Variants in RGL1 observed in about 807,000 individuals in gnomAD.
The protein encoded by RGL1 is ral guanine nucleotide dissociation stimulator like 1.
RGL1 carries 24 observed loss-of-function variants against 95.2 expected under a neutral mutation model. The observed-to-expected ratio is 0.25, with a 90% confidence interval of 0.18 to 0.35. The LOEUF (loss-of-function observed/expected upper bound fraction) is 0.35, where lower values mean the gene tolerates loss of function less well. RGL1 is among the 10% of genes least tolerant of loss of function. The pLI is 1.00. For synonymous variants in RGL1, 329 were observed against 344.9 expected (o/e 0.95, Z 0.51); for missense variants, 715 against 936.3 (o/e 0.76, Z 3.08).
At chr1:183,913,926 A>C (rs1668810616) in intron 15 of RGL1, among the ~76,000 whole-genome samples, 1 of 152,216 alleles carries the variant, frequency 6.6e-6, no homozygotes, top group South Asian at 2.1e-4. Flanking sequence ...TATTGAAAGA[A>C]AGCCTTCGTG....
intron 1 of RGL1, among the ~76,000 whole-genome samples, chr1:183,672,235 T>C (rs1195259751): frequency 3.3e-5 from 5 of 152,270 alleles, no homozygotes; most frequent in East Asian, 3.9e-4. Context: ...GCCCAGCCCT[T>C]ACCTTTGATA....
At chr1:183,917,388 T>A (rs541056644) in intron 16 of RGL1, among the ~76,000 whole-genome samples, 1 of 152,340 alleles carries the variant, frequency 6.6e-6, no homozygotes, top group Non-Finnish European at 1.5e-5. Context: ...GTCTGGTAGG[T>A]TTATCACAAG....
intron 2 of RGL1, among the ~76,000 whole-genome samples, chr1:183,830,158 C>G (rs540108480): frequency 6.6e-6 from 1 of 152,268 alleles, no homozygotes; most frequent in South Asian, 2.1e-4. Flanking sequence ...GATTTAATGA[C>G]TGATGCAGTG....
At chr1:183,722,534 T>C (rs1656068142) in intron 1 of RGL1, among the ~76,000 whole-genome samples, 2 of 152,142 alleles carry the variant, frequency 1.3e-5, no homozygotes, top group Non-Finnish European at 2.9e-5. Flanking sequence ...AGAACTTCAT[T>C]ATCAAATTAC....
intron 2 of RGL1, among the ~76,000 whole-genome samples, chr1:183,830,981 A>G (rs138775842): frequency 2.4e-3 from 373 of 152,344 alleles, no homozygotes; most frequent in African/African-American, 8.7e-3. Context: ...ACAAATATTT[A>G]CTGAGCATCC....
chr1:183,807,122 A>C (rs1271384458), intron 2 of RGL1, among the ~76,000 whole-genome samples: 1 of 152,172 alleles, frequency 6.6e-6, no homozygotes, highest in Non-Finnish European at 1.5e-5. Flanking sequence ...GAGGTCATGC[A>C]AGTTTGTAGG....
intron 1 of RGL1, among the ~76,000 whole-genome samples, chr1:183,688,832 G>A (rs1213633949): frequency 6.6e-6 from 1 of 152,080 alleles, no homozygotes; most frequent in African/African-American, 2.4e-5. Context: ...TGCAATATGT[G>A]AATCATATTT....
intron 1 of RGL1, among the ~76,000 whole-genome samples, chr1:183,658,921 A>T (rs1572236085): frequency 1.3e-5 from 2 of 151,762 alleles, no homozygotes; most frequent in African/African-American, 4.9e-5. Flanking sequence ...TTCTGCAGCC[A>T]CCGCTGCTGG....
chr1:183,719,654 C>T (rs1015616649), intron 1 of RGL1, among the ~76,000 whole-genome samples: 9 of 152,156 alleles, frequency 5.9e-5, no homozygotes, highest in African/African-American at 1.9e-4. Context: ...GCCTACAATC[C>T]CAGCACTTTG....
intron 2 of RGL1, among the ~76,000 whole-genome samples, chr1:183,779,636 C>T (rs1312220648): frequency 6.6e-6 from 1 of 152,088 alleles, no homozygotes; most frequent in Non-Finnish European, 1.5e-5. Flanking sequence ...AATTCTAGGA[C>T]AGTGTGTGAG....
intron 3 of RGL1, among the ~76,000 whole-genome samples, chr1:183,851,630 C>T (rs539287166): frequency 2.6e-5 from 4 of 152,134 alleles, no homozygotes; most frequent in African/African-American, 9.7e-5. Flanking sequence ...AGATGAAGTT[C>T]TAACATGTTC....
chr1:183,805,609 G>A (rs1243178702), intron 1 of RGL1, among the ~76,000 whole-genome samples: 1 of 152,208 alleles, frequency 6.6e-6, no homozygotes, highest in Non-Finnish European at 1.5e-5. Context: ...GGTGAACCGC[G>A]GAGCGCTTCT....
intron 1 of RGL1, among the ~76,000 whole-genome samples, chr1:183,660,230 A>G (rs1303162268): frequency 2.0e-5 from 3 of 152,194 alleles, no homozygotes; most frequent in South Asian, 2.1e-4. Flanking sequence ...ATGTAAATGG[A>G]CTAAATGCTC....
intron 2 of RGL1, among the ~76,000 whole-genome samples, chr1:183,818,612 C>T (rs1273911239): frequency 6.6e-6 from 1 of 152,140 alleles, no homozygotes; most frequent in Non-Finnish European, 1.5e-5. Flanking sequence ...TTCTCTTTGC[C>T]CTATTCGTTT....
intron 1 of RGL1, among the ~76,000 whole-genome samples, chr1:183,712,951 C>G (rs955938315): frequency 1.3e-5 from 2 of 152,184 alleles, no homozygotes; most frequent in Admixed American, 6.5e-5. Context: ...TGGCATTGAA[C>G]AGACCACAGC....
At position 183,805,145 on chromosome 1, in the gene RGL1, G is replaced by C; in HGVS notation, c.-153G>C. The C allele has an allele frequency of 9.8e-7, 1 of 1,025,544 alleles. No homozygotes were observed. Among genetic ancestry groups the C allele is most frequent in the Non-Finnish European group, 1.3e-6 (1 of 784,476 alleles). The allele number at this position is 1,025,544 out of a possible 1,614,324, so 63.5% of individuals were successfully genotyped here. The stretch of plus-strand genomic sequence containing the variant: ...GTGGCCCGAGTCGCGCGCACCGGCG[G>C]CGGCGGGGGCAGCGCGGCGCGTGTC... On this transcript the variant is annotated 5_prime_UTR_variant, in exon 1 of 18. Transcript: ENST00000360851.
chr1:183,730,345 A>G (rs1330967920), intron 1 of RGL1, among the ~76,000 whole-genome samples: 2 of 152,104 alleles, frequency 1.3e-5, no homozygotes, highest in African/African-American at 4.8e-5. Flanking sequence ...AGAAGTCCCA[A>G]GCTGGACCCA....
At chr1:183,725,212 A>G (rs1656245830) in intron 1 of RGL1, among the ~76,000 whole-genome samples, 1 of 152,178 alleles carries the variant, frequency 6.6e-6, no homozygotes, top group Non-Finnish European at 1.5e-5. Context: ...TCAGATGACA[A>G]TATCCAAGTT....
chr1:183,822,816 A>G (rs972565938), intron 2 of RGL1, among the ~76,000 whole-genome samples: 1 of 152,230 alleles, frequency 6.6e-6, no homozygotes, highest in African/African-American at 2.4e-5. Context: ...TTCAAAGTCA[A>G]GTTCCAATCT....
Sources: gnomAD v4.1 joint callset for allele counts (sites outside exome capture counted in the v4.1 genomes callset) on GRCh38, gnomAD v4.1.1 for gene constraint, MANE v1.5 for transcripts, NCBI Gene and HGNC (gene_info 2026-07-23, HGNC 2026-07-21) for gene names.